WDCP: variants seen among roughly 807,000 people sequenced by gnomAD.
WDCP encodes the protein WD repeat and coiled-coil-containing protein.
WDCP carries 19 observed loss-of-function variants against 41.6 expected under a neutral mutation model. That is an observed-to-expected ratio of 0.46 (90% CI 0.32 to 0.67). The LOEUF is 0.67. Among genes scored for constraint, WDCP ranks in the 30% least tolerant of loss-of-function variants. The pLI is 0.04. For missense variants in WDCP, 802 were observed against 850.7 expected (o/e 0.94, Z 0.71); for synonymous variants, 302 against 320.8 (o/e 0.94, Z 0.63).
intron 1 of WDCP, among the ~76,000 whole-genome samples, chr2:24,041,858 C>CAAAAAAAAAAAAAAAAAA (rs56341766): frequency 2.1e-5 from 2 of 93,228 alleles, no homozygotes; most frequent in Non-Finnish European, 4.2e-5. Context: ...AACTCTGTCT[C>CAAAAAAAAAAAAAAAAAA]AAAAAAAAAA....
At chr2:24,037,614 T>C in intron 2 of WDCP, 63 bp downstream of exon 2, 1 of 1,478,232 alleles carries the variant, frequency 6.8e-7, no homozygotes, top group Non-Finnish European at 9.1e-7. Context: ...ATACGTTTCT[T>C]GCAGTACTCA....
intron 1 of WDCP, among the ~76,000 whole-genome samples, chr2:24,045,178 G>C (rs1663572881): frequency 6.6e-6 from 1 of 152,170 alleles, no homozygotes; most frequent in African/African-American, 2.4e-5. Context: ...ATGCTTTTAA[G>C]GCAGATGGAA....
intron 1 of WDCP, among the ~76,000 whole-genome samples, chr2:24,042,863 G>A (rs1162761634): frequency 6.1e-5 from 9 of 148,344 alleles, no homozygotes; most frequent in Middle Eastern, 3.7e-3. Context: ...GAGAAACCCC[G>A]TCTCTACTAA....
Position 24,039,084 on chromosome 2 carries a change from G to A in WDCP, c.411C>T (p.Ser137=), listed in dbSNP as rs1663345844. The change falls in exon 2 of 4, where the codon TCC becomes TCT. Residue 137 remains serine (S), a synonymous_variant. Coordinates refer to ENST00000295148, the MANE Select transcript of WDCP (RefSeq NM_025203.3). ...ILTVLTAQDV[S]IFPNVHSDDS... ...CATCAGAGTGAACATTAGGGAAAAT[G>A]GAGACATCCTGAGCAGTCAACACAG... 4.3e-6 allele frequency: 7 copies of A among 1,614,088 alleles called. No homozygotes were observed. The highest frequency in any genetic ancestry group is 1.7e-5 in the Admixed American group (1 of 59,996).
At position 24,039,272 on chromosome 2, in the gene WDCP, C is replaced by T. The variant is rs1478663359; in HGVS notation, c.223G>A (p.Val75Ile). The T allele has an allele frequency of 6.2e-7, 1 of 1,614,202 alleles. No homozygotes were observed. The highest frequency in any genetic ancestry group is 2.2e-5 in the East Asian group (1 of 44,886). ...TTCTCATGCTGGACAGCGAGTAGAA[C>T]AGGTGTATCATCTGCAACAGGTGGG... ...WAPPVADDTP[V>I]LLAVQHEKHV... is the part of the protein sequence containing the mutation. Residue 75 changes from valine to isoleucine, a missense_variant, in exon 2 of 4, where the codon GTT becomes ATT. Val to Ile is a conservative substitution (Grantham distance 29, BLOSUM62 3). Transcript: ENST00000295148.
rs776459122 is a variant in WDCP, at chr2:24,030,972, A to T, written c.2127T>A (p.Asp709Glu). The T allele has an allele frequency of 6.2e-7, 1 of 1,614,212 alleles. No homozygotes were observed. Among genetic ancestry groups the T allele is most frequent in the Non-Finnish European group, 8.5e-7 (1 of 1,180,022 alleles). Residue 709 changes from aspartate to glutamate, a missense_variant, in exon 4 of 4, where the codon GAT becomes GAA. By Grantham distance (45) the Asp-to-Glu change is conservative. Transcript: ENST00000295148. Reference sequence around the variant, plus strand: ...CTACATGGTTACAACAGCCAGTGGTATCTAAACTGGGGGCAGCAAGGCCTG... The same window carrying T: ...CTACATGGTTACAACAGCCAGTGGTTTCTAAACTGGGGGCAGCAAGGCCTG... ...VFTGLAAPSL[D>E]TTGCCNHVDG...
rs144767799 is a variant in WDCP at position 24,047,087 on chromosome 2, A to G, written c.-19+227T>C. 1.3e-3 allele frequency among the ~76,000 whole-genome samples: 192 copies of G among 152,140 alleles called. 1 individual carries two copies. The highest frequency in any genetic ancestry group is 4.5e-3 in the African/African-American group (185 of 41,478). The stretch of plus-strand genomic sequence containing the variant: ...GACTTCCTTGGGACATATTCCCAGG[A>G]GTGTTATTCACGAGTCACGGTCATA... On this transcript the variant is annotated intron_variant, in intron 1 of 3. Transcript: ENST00000295148.
chr2:24,046,500 T>C (rs1663630733), intron 1 of WDCP, among the ~76,000 whole-genome samples: 1 of 152,176 alleles, frequency 6.6e-6, no homozygotes, highest in Non-Finnish European at 1.5e-5. Flanking sequence ...GGAGAGGTGG[T>C]CAGAAAACTA....
chr2:24,039,044 C>T lies in WDCP; in HGVS notation c.451G>A (p.Ala151Thr). 1 of 1,614,132 alleles carries T rather than the reference C, an allele frequency of 6.2e-7. No homozygotes were observed. The highest frequency in any genetic ancestry group is 1.6e-4 in the Middle Eastern group (1 of 6,062). Reference protein sequence around the residue: ...NVHSDDSQVKADINTQGRIHC... With the variant: ...NVHSDDSQVKTDINTQGRIHC... The stretch of plus-strand genomic sequence containing the variant: ...ATGCGGCCCTGGGTGTTGATGTCTG[C>T]CTTTACCTGGGAATCATCAGAGTGA... Residue 151 changes from alanine (A) to threonine (T), a missense_variant, in exon 2 of 4, where the codon GCA becomes ACA. Ala to Thr is a moderately conservative substitution (Grantham distance 58). Transcript: ENST00000295148.
chr2:24,040,854 T>C (rs1413998023), intron 1 of WDCP, among the ~76,000 whole-genome samples: 1 of 151,864 alleles, frequency 6.6e-6, no homozygotes, highest in Non-Finnish European at 1.5e-5. Flanking sequence ...CCATCTCTAC[T>C]AAAAATACAA....
chr2:24,038,566 G>C lies in WDCP; in HGVS notation c.929C>G (p.Thr310Arg), dbSNP rs1242322905. Reference sequence around the variant, plus strand: ...ATGTGAAGAATCTTGGCCAGTTCCTGTCAAGTAGTCCTTTTTTCTTAGACA... The same window carrying C: ...ATGTGAAGAATCTTGGCCAGTTCCTCTCAAGTAGTCCTTTTTTCTTAGACA... ...LICLRKKDYL[T>R]GTGQDSSHLV... The change falls in exon 2 of 4, where the codon ACA becomes AGA. Residue 310 changes from threonine to arginine, a missense_variant. Coordinates refer to ENST00000295148, the MANE Select transcript of WDCP (RefSeq NM_025203.3). The C allele has an allele frequency of 1.2e-6, 2 of 1,614,058 alleles. No individual in the cohort carries two copies. Among genetic ancestry groups the C allele is most frequent in the Non-Finnish European group, 1.7e-6 (2 of 1,180,030 alleles).
At chr2:24,034,546 A>G (rs1400681831) in intron 2 of WDCP, among the ~76,000 whole-genome samples, 1 of 151,848 alleles carries the variant, frequency 6.6e-6, no homozygotes, top group Non-Finnish European at 1.5e-5. Flanking sequence ...ATAAACTAAA[A>G]AACTGAGGAA....
chr2:24,039,975 A>AT (rs555651987), intron 1 of WDCP, among the ~76,000 whole-genome samples: 80 of 151,034 alleles, frequency 5.3e-4, no homozygotes, highest in Non-Finnish European at 9.7e-4. Context: ...TTTTTTTTTT[A>AT]TTTTTAGTAG....
In WDCP at chr2:24,031,069, A is replaced by T; in HGVS notation, c.2030T>A (p.Leu677Gln). The T allele has an allele frequency of 1.9e-6, 3 of 1,614,216 alleles. No individual in the cohort carries two copies. The highest frequency in any genetic ancestry group is 2.5e-6 in the Non-Finnish European group (3 of 1,179,998). Residue 677 changes from leucine (L) to glutamine (Q), a missense_variant, in exon 4 of 4, where the codon CTG (leucine) becomes CAG (glutamine). This residue lies in a region of WDCP where 321 missense variants were observed against 305.1 expected (regional missense o/e 1.05). Coordinates refer to ENST00000295148, the MANE Select transcript of WDCP (RefSeq NM_025203.3). ...TQEIIIRDGSLSRSDVFRDSF... is the reference protein window; with the variant it reads ...TQEIIIRDGSQSRSDVFRDSF... The stretch of plus-strand genomic sequence containing the variant: ...GTCTCTGAAGACATCTGACCTGGAC[A>T]GGCTGCCATCTCTTATGATTATTTC...
Position 24,039,519 on chromosome 2 carries a change from T to C in WDCP, c.-18-7A>G. 1 of 1,600,390 alleles carries C rather than the reference T, an allele frequency of 6.2e-7. No homozygotes were observed. Among genetic ancestry groups the C allele is most frequent in the Non-Finnish European group, 8.5e-7 (1 of 1,170,742 alleles). ...TCCTTTTGATAAAGGTTACCTGAAATGATTAAGAAGGAAAGTTACACCATG... is the reference window on the plus strand; with the variant it reads ...TCCTTTTGATAAAGGTTACCTGAAACGATTAAGAAGGAAAGTTACACCATG... On this transcript the variant is annotated splice_region_variant and splice_polypyrimidine_tract_variant and intron_variant, in intron 1 of 3. Coordinates refer to ENST00000295148, the MANE Select transcript of WDCP (RefSeq NM_025203.3).
chr2:24,038,763 T>G lies in WDCP; in HGVS notation c.732A>C (p.Lys244Asn), dbSNP rs753475852. Residue 244 changes from lysine (K) to asparagine (N), a missense_variant, in exon 2 of 4, where the codon AAA becomes AAC. Lys to Asn is a moderately conservative substitution (Grantham distance 94). Transcript: ENST00000295148. ...SETFNIPPNS[K>N]DMTPYALPVI... ...CTGGTAAAGCATACGGAGTCATGTCTTTACTGTTAGGTGGGATATTAAAGG... is the reference window on the plus strand; with the variant it reads ...CTGGTAAAGCATACGGAGTCATGTCGTTACTGTTAGGTGGGATATTAAAGG... The G allele has an allele frequency of 8.7e-6, 14 of 1,614,214 alleles. No individual in the cohort carries two copies. The highest frequency in any genetic ancestry group is 1.2e-5 in the Non-Finnish European group (14 of 1,180,048).
At chr2:24,041,165 C>A (rs1419853088) in intron 1 of WDCP, among the ~76,000 whole-genome samples, 1 of 151,652 alleles carries the variant, frequency 6.6e-6, no homozygotes, top group Non-Finnish European at 1.5e-5. Context: ...ATGGTGTAAC[C>A]CTGTTTCTAA....
At chr2:24,034,476 C>A (rs1466315060) in intron 2 of WDCP, among the ~76,000 whole-genome samples, 1 of 151,866 alleles carries the variant, frequency 6.6e-6, no homozygotes, top group Non-Finnish European at 1.5e-5. Context: ...ACAGTAAAGC[C>A]CCCAAAATTC....
At chr2:24,034,017 G>A (rs1056289103) in intron 2 of WDCP, among the ~76,000 whole-genome samples, 10 of 152,192 alleles carry the variant, frequency 6.6e-5, no homozygotes, top group African/African-American at 2.2e-4. Flanking sequence ...TTTATTTCAC[G>A]TCTTATGAAA....
Sources: gnomAD v4.1 joint callset for allele counts (sites outside exome capture counted in the v4.1 genomes callset) on GRCh38, gnomAD v4.1.1 for gene constraint, gnomAD v4.1.1 regional missense constraint, MANE v1.5 for transcripts, NCBI Gene and HGNC (gene_info 2026-07-23, HGNC 2026-07-21) for gene names.